Variants in NAAA observed in about 807,000 individuals in gnomAD.
NAAA encodes N-acylethanolamine-hydrolyzing acid amidase.
A neutral mutation model predicts 44.8 loss-of-function variants in NAAA; 39 were observed. That is an observed-to-expected ratio of 0.87 (90% CI 0.67 to 1.14). The LOEUF is 1.14. NAAA is among the 50% of genes most tolerant of loss of function. The pLI, the probability that NAAA is intolerant of heterozygous loss-of-function variation, is 0.00. For synonymous variants in NAAA, 178 were observed against 191.3 expected (o/e 0.93, Z 0.58); for missense variants, 460 against 467.8 (o/e 0.98, Z 0.15).
rs760283665 is a variant in NAAA, at chr4:75,930,455, C to T, written c.589+759G>A. On this transcript the variant is annotated intron_variant, in intron 4 of 10. Transcript: ENST00000286733. ...AACGAATGGAGTTAAAAATAACAGC[C>T]CTGCCTAACAGGACTGTTGTGAGGG... 81 of 516,406 alleles carry T rather than the reference C, an allele frequency of 1.6e-4. 1 individual carries two copies. The highest frequency in any genetic ancestry group is 7.5e-4 in the South Asian group (53 of 70,972). The allele number at this position is 516,406 out of a possible 1,614,324, so 32.0% of individuals were successfully genotyped here.
chr4:75,939,953 G>A (rs2149294226), intron 2 of NAAA, 48 bp downstream of exon 2: 1 of 1,605,162 alleles, frequency 6.2e-7, no homozygotes, highest in Non-Finnish European at 8.5e-7. Flanking sequence ...TCTGTGTCGG[G>A]GGCCCCCGCA....
At chr4:75,939,353 G>A (rs1482039312) in intron 2 of NAAA, among the ~76,000 whole-genome samples, 1 of 152,134 alleles carries the variant, frequency 6.6e-6, no homozygotes, top group Non-Finnish European at 1.5e-5. Context: ...GTTAACTAAA[G>A]GGTCCAGATG....
At chr4:75,931,123 T>C in intron 4 of NAAA, 91 bp downstream of exon 4, 1 of 976,224 alleles carries the variant, frequency 1.0e-6, no homozygotes, top group Non-Finnish European at 1.6e-6. Context: ...TAGTGGGTGT[T>C]CTGTATATTC....
At chr4:75,929,881 G>A (rs778526275) in intron 4 of NAAA, among the ~76,000 whole-genome samples, 75 of 152,068 alleles carry the variant, frequency 4.9e-4, no homozygotes, top group Non-Finnish European at 6.6e-4. Context: ...CCTGAGGTTC[G>A]GAGTTCGAGA....
Position 75,940,982 on chromosome 4 carries a change from C to A in NAAA, c.-33G>T. The A allele has an allele frequency of 1.4e-6, 2 of 1,441,546 alleles. No individual in the cohort carries two copies. Among genetic ancestry groups the A allele is most frequent in the Non-Finnish European group, 1.8e-6 (2 of 1,108,256 alleles). 89.3% of individuals were successfully genotyped at this position (1,441,546 alleles called of 1,614,324 possible). ...GCTCCAGCGGCCGCAACTTGGAGACCTGCAGCCGCTGTCGGAGCCCGGGTA... is the reference window on the plus strand; with the variant it reads ...GCTCCAGCGGCCGCAACTTGGAGACATGCAGCCGCTGTCGGAGCCCGGGTA... On this transcript the variant is annotated 5_prime_UTR_variant, in exon 1 of 11. It adds an upstream start codon to the 5' untranslated region. Transcript: ENST00000286733.
chr4:75,918,953 G>A (rs1300649165), intron 8 of NAAA, among the ~76,000 whole-genome samples, 164 bp from the exon 9 acceptor site: 2 of 151,932 alleles, frequency 1.3e-5, no homozygotes, highest in African/African-American at 2.4e-5. Flanking sequence ...GACCAGCCTG[G>A]GCAACATAGA....
chr4:75,931,923 A>T (rs1727264121), intron 3 of NAAA, among the ~76,000 whole-genome samples: 1 of 152,204 alleles, frequency 6.6e-6, no homozygotes, highest in South Asian at 2.1e-4. Flanking sequence ...TAGCAAGTGG[A>T]GTCTTACTTT....
Position 75,940,926 on chromosome 4 carries a change from C to T in NAAA, c.24G>A (p.Ala8=). ...GCAGCAGGGACGGAAGCCCCGGGCG[C>T]GCCTCCCGGTCCGCGGTCCGCATGG... MRTADRE[A]RPGLPSLLLL... The change falls in exon 1 of 11, where the codon GCG becomes GCA. Residue 8 remains alanine (A), a synonymous_variant. Coordinates refer to ENST00000286733, the MANE Select transcript of NAAA (RefSeq NM_014435.4). 6.7e-7 allele frequency: 1 copy of T among 1,501,506 alleles called. No homozygotes were observed. Among genetic ancestry groups the T allele is most frequent in the South Asian group, 1.2e-5 (1 of 80,232 alleles). The allele number at this position is 1,501,506 out of a possible 1,614,324, so 93.0% of individuals were successfully genotyped here.
At chr4:75,921,193 T>G in intron 5 of NAAA, 70 bp from the exon 6 acceptor site, 1 of 1,393,522 alleles carries the variant, frequency 7.2e-7, no homozygotes, top group Middle Eastern at 2.0e-4. Flanking sequence ...GATGCAAAAA[T>G]GATCCAAAGC....
downstream of NAAA, among the ~76,000 whole-genome samples, chr4:75,911,824 C>T (rs1039627033): frequency 1.3e-5 from 2 of 152,204 alleles, no homozygotes; most frequent in Admixed American, 6.5e-5. Context: ...TCGGGTTCTT[C>T]CCATAATCCT....
At chr4:75,929,966 G>A (rs1727083024) in intron 4 of NAAA, among the ~76,000 whole-genome samples, 1 of 152,060 alleles carries the variant, frequency 6.6e-6, no homozygotes, top group African/African-American at 2.4e-5. Context: ...GGCACCTCCT[G>A]TAATCCCAGC....
In NAAA at chr4:75,940,160, C is replaced by G. The variant is rs760031355; in HGVS notation, c.212G>C (p.Arg71Thr). The G allele has an allele frequency of 6.2e-7, 1 of 1,613,174 alleles. No homozygotes were observed. Among genetic ancestry groups the G allele is most frequent in the South Asian group, 1.1e-5 (1 of 91,050 alleles). The change falls in exon 2 of 11, where the codon AGA becomes ACA. Residue 71 changes from arginine to threonine, a missense_variant. Transcript: ENST00000286733. ...RAAMAQVIGD[R>T]VPKWVHVLIG... is the part of the protein sequence containing the mutation. ...TAACACGTGCACCCACTTGGGGACT[C>G]TGTCCCTAGAAACAAAAAGCACAAG...
intron 4 of NAAA, among the ~76,000 whole-genome samples, chr4:75,926,904 T>C (rs1034086594): frequency 1.3e-5 from 2 of 151,634 alleles, no homozygotes; most frequent in Non-Finnish European, 2.9e-5. Flanking sequence ...CTGGGGAGGC[T>C]GAGGCAAGAG....
At chr4:75,912,540 G>A (rs2149237421), downstream of NAAA, among the ~76,000 whole-genome samples, 1 of 147,136 alleles carries the variant, frequency 6.8e-6, no homozygotes, top group East Asian at 2.0e-4. Flanking sequence ...GGTGACAGAG[G>A]GAGACTCTGT....
intron 9 of NAAA, among the ~76,000 whole-genome samples, chr4:75,916,037 G>A (rs974028771): frequency 6.6e-6 from 1 of 152,174 alleles, no homozygotes; most frequent in African/African-American, 2.4e-5. Context: ...GGGTAATGGA[G>A]GTTCCCTGAA....
chr4:75,925,885 G>C lies in NAAA; in HGVS notation c.590-74C>G, dbSNP rs1726639882. The C allele has an allele frequency of 2.8e-6, 4 of 1,413,600 alleles. No individual in the cohort carries two copies. In the South Asian group the frequency reaches 3.5e-5, roughly 12 times the overall value. The allele number at this position is 1,413,600 out of a possible 1,614,324, so 87.6% of individuals were successfully genotyped here. On this transcript the variant is annotated intron_variant, in intron 4 of 10. Coordinates refer to ENST00000286733, the MANE Select transcript of NAAA (RefSeq NM_014435.4). ...CACATGAAACAGATATGTTATTTTAGCAAGGAAATATAGAGAGATATTCAC... is the reference window on the plus strand; with the variant it reads ...CACATGAAACAGATATGTTATTTTACCAAGGAAATATAGAGAGATATTCAC...
downstream of NAAA, chr4:75,913,515 A>C (rs1725416197): frequency 6.8e-6 from 2 of 295,104 alleles, no homozygotes; most frequent in Non-Finnish European, 1.0e-5. Context: ...ACATGTGAAA[A>C]ATCAAACTCT....
At chr4:75,936,263 A>G (rs1470108843) in intron 2 of NAAA, 28 bp from the exon 3 acceptor site, 14 of 1,601,452 alleles carry the variant, frequency 8.7e-6, no homozygotes, top group African/African-American at 1.4e-5. Context: ...TCCAACATGA[A>G]TGAATAAGAC....
intron 5 of NAAA, among the ~76,000 whole-genome samples, chr4:75,922,463 G>A (rs1456511863): frequency 6.6e-6 from 1 of 151,946 alleles, no homozygotes; most frequent in African/African-American, 2.4e-5. Context: ...ATCCTGCCCT[G>A]TACCTGGAAG....
Sources: gnomAD v4.1 joint callset for allele counts (sites outside exome capture counted in the v4.1 genomes callset) on GRCh38, gnomAD v4.1.1 for gene constraint, MANE v1.5 for transcripts, NCBI Gene and HGNC (gene_info 2026-07-23, HGNC 2026-07-21) for gene names.